EIPR1: variants seen among roughly 807,000 people sequenced by gnomAD.
The protein encoded by EIPR1 is EARP and GARP complex-interacting protein 1.
A neutral mutation model predicts 48.1 loss-of-function variants in EIPR1; 25 were observed. The ratio of observed to expected loss-of-function variants is 0.52; its 90% CI spans 0.38 to 0.73. EIPR1 has a LOEUF of 0.73. Among genes scored for constraint, EIPR1 ranks in the 30% least tolerant of loss-of-function variants. The pLI is 0.00. For synonymous variants in EIPR1, 204 were observed against 201.9 expected (o/e 1.01, Z -0.09); for missense variants, 415 against 506.2 (o/e 0.82, Z 1.73).
intron 3 of EIPR1, among the ~76,000 whole-genome samples, chr2:3,313,476 C>T (rs1277854366): frequency 6.6e-6 from 1 of 152,128 alleles, no homozygotes; most frequent in South Asian, 2.1e-4. Context: ...GGACACAGAG[C>T]CCAGTCCTCC....
chr2:3,194,383 G>T (rs933394942), intron 6 of EIPR1: 1 of 470,134 alleles, frequency 2.1e-6, no homozygotes, highest in South Asian at 3.5e-5. Flanking sequence ...CTCTCCAGAA[G>T]CGTATCTGTG....
chr2:3,239,042 A>G (rs1247219325), intron 4 of EIPR1, among the ~76,000 whole-genome samples: 1 of 152,224 alleles, frequency 6.6e-6, no homozygotes, highest in South Asian at 2.1e-4. Flanking sequence ...GAAAACACAC[A>G]AAAACCCACA....
intron 3 of EIPR1, among the ~76,000 whole-genome samples, chr2:3,311,165 G>A (rs545744887): frequency 6.6e-6 from 1 of 152,204 alleles, no homozygotes; most frequent in Non-Finnish European, 1.5e-5. Flanking sequence ...TATGTGCACA[G>A]GTAGAACGGT....
Position 3,196,903 on chromosome 2 carries a change from C to T in EIPR1, c.631G>A (p.Gly211Ser), listed in dbSNP as rs775782826. Residue 211 changes from glycine (G) to serine (S), a missense_variant, in exon 6 of 9, where the codon GGC becomes AGC. Physicochemically the swap from Gly to Ser is moderately conservative, Grantham distance 56. Transcript: ENST00000382125. The stretch of plus-strand genomic sequence containing the variant: ...GACCTCATGCTCCGGGTGTCCCAGC[C>T]ACGGAGGGTGGTGTCGTTCGCTGTG... ...VATANDTTLR[G>S]WDTRSMSQIY... 3 of 1,613,814 alleles carry T rather than the reference C, an allele frequency of 1.9e-6. No individual in the cohort carries two copies. The highest frequency in any genetic ancestry group is 2.2e-5 in the East Asian group (1 of 44,874).
intron 3 of EIPR1, among the ~76,000 whole-genome samples, chr2:3,287,953 G>A (rs1265540498): frequency 1.3e-5 from 2 of 152,240 alleles, no homozygotes; most frequent in Admixed American, 6.5e-5. Context: ...AGGGTACTGA[G>A]TAAGGAGTAG....
chr2:3,246,879 G>GGGAAGGAGGGAGGGAA (rs1349007532), intron 4 of EIPR1, among the ~76,000 whole-genome samples: 1 of 33,674 alleles, frequency 3.0e-5, no homozygotes, highest in Non-Finnish European at 5.4e-5. Flanking sequence ...GAGGGAGGGA[G>GGGAAGGAGGGAGGGAA]GGAGGGAGGG....
chr2:3,293,750 G>A (rs2103277363), intron 3 of EIPR1, among the ~76,000 whole-genome samples: 1 of 152,336 alleles, frequency 6.6e-6, no homozygotes, highest in Admixed American at 6.5e-5. Flanking sequence ...CCCACCCCAG[G>A]ACGCAGAGGC....
intron 4 of EIPR1, among the ~76,000 whole-genome samples, chr2:3,246,199 G>A (rs566879106): frequency 4.3e-4 from 66 of 152,316 alleles, no homozygotes; most frequent in African/African-American, 1.3e-3. Context: ...AGACTTTCGA[G>A]CACATTTTCT....
chr2:3,367,468 CACAGAA>C (rs1166788859), intron 1 of EIPR1, among the ~76,000 whole-genome samples: 24 of 152,310 alleles, frequency 1.6e-4, no homozygotes, highest in African/African-American at 5.5e-4. Flanking sequence ...TTGTTTCCAA[CACAGAA>C]ACAGAAGGAA....
At chr2:3,209,046 C>T (rs12467123) in intron 5 of EIPR1, 329,349 of 1,438,694 alleles carry the variant, frequency 0.23, 40,355 homozygotes, top group Non-Finnish European at 0.26. Flanking sequence ...CCATCTTTTC[C>T]GGGACGCCTG....
At chr2:3,276,791 C>A (rs1667862120) in intron 3 of EIPR1, among the ~76,000 whole-genome samples, 1 of 152,200 alleles carries the variant, frequency 6.6e-6, no homozygotes, top group South Asian at 2.1e-4. Context: ...ACAGTTTTCT[C>A]TAAGTTCTGG....
At chr2:3,210,670 G>A (rs1401252328) in intron 5 of EIPR1, among the ~76,000 whole-genome samples, 9 of 130,260 alleles carry the variant, frequency 6.9e-5, no homozygotes, top group Non-Finnish European at 1.1e-4. Context: ...TCGCTCTGTC[G>A]CCAGGCTGGA....
intron 6 of EIPR1, chr2:3,194,487 C>T: frequency 4.8e-6 from 1 of 209,826 alleles, no homozygotes; most frequent in East Asian, 1.0e-4. Context: ...GCCAGAGGGG[C>T]TGCAACAGCC....
intron 2 of EIPR1, among the ~76,000 whole-genome samples, chr2:3,342,533 T>G (rs1670283441): frequency 6.6e-6 from 1 of 152,246 alleles, no homozygotes; most frequent in Non-Finnish European, 1.5e-5. Flanking sequence ...AGCTGGCCCC[T>G]CGGCCTGGCT....
At chr2:3,228,009 T>C (rs1300639611) in intron 4 of EIPR1, among the ~76,000 whole-genome samples, 1 of 152,270 alleles carries the variant, frequency 6.6e-6, no homozygotes, top group East Asian at 1.9e-4. Flanking sequence ...GAACCTCTGC[T>C]AGGGAGTTGG....
At chr2:3,304,924 T>TG (rs1225397167) in intron 3 of EIPR1, among the ~76,000 whole-genome samples, 10 of 145,518 alleles carry the variant, frequency 6.9e-5, no homozygotes, top group East Asian at 2.1e-4. Flanking sequence ...AGTTCAACCC[T>TG]CCAGTCCCGT....
At chr2:3,325,010 A>G (rs1669651382) in intron 3 of EIPR1, among the ~76,000 whole-genome samples, 1 of 152,256 alleles carries the variant, frequency 6.6e-6, no homozygotes, top group African/African-American at 2.4e-5. Flanking sequence ...GTTTAGGGTC[A>G]GAGTCCTAAG....
chr2:3,242,650 C>T (rs1002847895), intron 4 of EIPR1, among the ~76,000 whole-genome samples: 2 of 152,238 alleles, frequency 1.3e-5, no homozygotes, highest in African/African-American at 2.4e-5. Context: ...ATTCCAAATG[C>T]TTCCTAAAAC....
At chr2:3,212,292 A>G (rs150924855) in intron 5 of EIPR1, among the ~76,000 whole-genome samples, 75 of 152,358 alleles carry the variant, frequency 4.9e-4, no homozygotes, top group Admixed American at 1.6e-3. Flanking sequence ...GTTTGATTAC[A>G]GAATAGGTCT....
Sources: allele counts gnomAD v4.1 joint callset (sites outside exome capture counted in the v4.1 genomes callset), GRCh38; gene constraint gnomAD v4.1.1; transcripts MANE v1.5; gene names NCBI Gene and HGNC (gene_info 2026-07-23, HGNC 2026-07-21).